CEP104: variants seen among roughly 807,000 people sequenced by gnomAD.
CEP104 encodes centrosomal protein of 104 kDa.
A neutral mutation model predicts 113.3 loss-of-function variants in CEP104; 84 were observed. That is an observed-to-expected ratio of 0.74 (90% CI 0.62 to 0.89). CEP104 has a LOEUF of 0.89. Ranked by LOEUF, CEP104 falls within the 40% of genes least tolerant of loss-of-function variation. The probability of loss-of-function intolerance (pLI) is 0.00; values close to 1 mark genes in which losing one functional copy is unlikely to be tolerated. For missense variants in CEP104, 1,053 were observed against 1,156.6 expected (o/e 0.91, Z 1.30); for synonymous variants, 378 against 421.7 (o/e 0.90, Z 1.27).
In CEP104 at chr1:3,834,008, T is replaced by G; in HGVS notation, c.1513A>C (p.Lys505Gln). The part of the protein sequence containing the change: ...SVFQASLKLL[K>Q]MIITQYIPKH... ...GGAATATATTGTGTAATGATCATTT[T>G]CAACAATTTCAAAGAAGCCTGAAAA... The change falls in exon 12 of 22, where the codon AAA (lysine) becomes CAA (glutamine). Residue 505 changes from lysine (K) to glutamine (Q), a missense_variant. By Grantham distance (53) the Lys-to-Gln change is moderately conservative. Coordinates refer to ENST00000378230, the MANE Select transcript of CEP104 (RefSeq NM_014704.4). The G allele has an allele frequency of 6.2e-7, 1 of 1,613,802 alleles. No individual in the cohort carries two copies. The highest frequency in any genetic ancestry group is 8.5e-7 in the Non-Finnish European group (1 of 1,179,666).
intron 13 of CEP104, 51 bp from the exon 14 acceptor site, chr1:3,830,048 CTTCCAGCT>C (rs1570793025): frequency 3.0e-6 from 4 of 1,331,382 alleles, no homozygotes; most frequent in Admixed American, 1.8e-5. Context: ...AAACTAATTT[CTTCCAGCT>C]TACAAAAAAG....
At chr1:3,856,237 C>A (rs566886291) in intron 1 of CEP104, among the ~76,000 whole-genome samples, 1 of 152,212 alleles carries the variant, frequency 6.6e-6, no homozygotes, top group East Asian at 1.9e-4. Flanking sequence ...GGTGAAACCC[C>A]GTCTCTACTA....
At chr1:3,838,299 T>A (rs1312044800) in intron 8 of CEP104, among the ~76,000 whole-genome samples, 2 of 152,184 alleles carry the variant, frequency 1.3e-5, no homozygotes, top group African/African-American at 4.8e-5. Flanking sequence ...ACTACAGGTG[T>A]GTGCCACCAG....
rs189007789 is a variant in CEP104 at position 3,848,856 on chromosome 1, G to C, written c.114-75C>G. The C allele has an allele frequency of 1.4e-4, 183 of 1,282,806 alleles. 2 individuals carry two copies. In the African/African-American group the frequency reaches 2.3e-3, roughly 16 times the overall value. The allele number at this position is 1,282,806 out of a possible 1,614,324, so 79.5% of individuals were successfully genotyped here. The stretch of plus-strand genomic sequence containing the variant: ...TTCTAGATGCTAGCATCTCATTCTT[G>C]CAGGTAAGAAGCATTAACCACACAC... On this transcript the variant is annotated intron_variant, in intron 2 of 21. Coordinates refer to ENST00000378230, the MANE Select transcript of CEP104 (RefSeq NM_014704.4).
chr1:3,816,490 G>C, intron 20 of CEP104, 120 bp from the exon 21 acceptor site: 1 of 700,304 alleles, frequency 1.4e-6, no homozygotes, highest in Non-Finnish European at 2.3e-6. Flanking sequence ...AGCAAGAGCC[G>C]CAGAAGAACG....
chr1:3,826,390 C>G lies in CEP104; in HGVS notation c.2235G>C (p.Pro745=). 1 of 1,614,020 alleles carries G rather than the reference C, an allele frequency of 6.2e-7. No individual in the cohort carries two copies. Among genetic ancestry groups the G allele is most frequent in the Non-Finnish European group, 8.5e-7 (1 of 1,179,932 alleles). ...CTTACTTATCTAGATAGTGCTCATC[C>G]GGGATTCCCAGAGCTTCAGCAGGGG... ...KAAPAEALGI[P]DEHYLDNLCI... Residue 745 remains proline (P), a synonymous_variant, in exon 17 of 22, where the codon CCG becomes CCC. Coordinates refer to ENST00000378230, the MANE Select transcript of CEP104 (RefSeq NM_014704.4).
intron 8 of CEP104, 45 bp from the exon 9 acceptor site, chr1:3,837,564 G>A (rs769065252): frequency 1.8e-5 from 26 of 1,468,852 alleles, no homozygotes; most frequent in African/African-American, 8.3e-5. Flanking sequence ...CCACTGCCAC[G>A]CCAGATATAT....
At chr1:3,847,065 A>G (rs554532632) in intron 4 of CEP104, among the ~76,000 whole-genome samples, 1 of 152,376 alleles carries the variant, frequency 6.6e-6, no homozygotes, top group South Asian at 2.1e-4. Flanking sequence ...TGTGAGCCAC[A>G]TATGTCATTA....
At position 3,829,988 on chromosome 1, in the gene CEP104, T is replaced by G. The variant is rs770600582; in HGVS notation, c.1846A>C (p.Ser616Arg). The change falls in exon 14 of 22, where the codon AGT becomes CGT. Residue 616 changes from serine (S) to arginine (R), a missense_variant. By Grantham distance (110) the Ser-to-Arg change is moderately radical (BLOSUM62 -1). Coordinates refer to ENST00000378230, the MANE Select transcript of CEP104 (RefSeq NM_014704.4). The part of the protein sequence containing the change: ...TIDNVMKFSV[S>R]ALEHRVYEVR... ...TCATACACTCTATGCTCCAGGGCAC[T>G]CACTGAAAACTAAAGTTGGGAGGGG... 1.6e-5 allele frequency: 26 copies of G among 1,613,544 alleles called. No individual in the cohort carries two copies. In the South Asian group the frequency reaches 2.7e-4, roughly 17 times the overall value.
At chr1:3,844,872 A>T (rs765686153) in intron 6 of CEP104, 35 bp downstream of exon 6, 1 of 1,559,022 alleles carries the variant, frequency 6.4e-7, no homozygotes, top group South Asian at 1.1e-5. Context: ...TGAGGAAAGT[A>T]AAAGAAGTTC....
At chr1:3,826,849 G>T in intron 15 of CEP104, 105 bp from the exon 16 acceptor site, 1 of 1,239,710 alleles carries the variant, frequency 8.1e-7, no homozygotes, top group Non-Finnish European at 1.1e-6. Context: ...TCTGGGTTTT[G>T]TTTTAGAATT....
chr1:3,855,227 G>A (rs1644692297), intron 1 of CEP104, among the ~76,000 whole-genome samples: 1 of 139,712 alleles, frequency 7.2e-6, no homozygotes, highest in African/African-American at 2.7e-5. Flanking sequence ...TGCCCAGGCT[G>A]TACTGCTGCA....
chr1:3,842,150 C>T (rs1016265037), intron 6 of CEP104, among the ~76,000 whole-genome samples: 1 of 152,186 alleles, frequency 6.6e-6, no homozygotes, highest in African/African-American at 2.4e-5. Context: ...TGCAGTGGTG[C>T]GATTTTGGCT....
At chr1:3,821,909 C>G (rs1201597557) in intron 20 of CEP104, among the ~76,000 whole-genome samples, 1 of 152,224 alleles carries the variant, frequency 6.6e-6, no homozygotes, top group Non-Finnish European at 1.5e-5. Flanking sequence ...TTCTATGGAT[C>G]CCGGTAATCA....
rs145970148 is a variant in CEP104, at chr1:3,830,071, A to G, written c.1837-74T>C. On this transcript the variant is annotated intron_variant, in intron 13 of 21. Transcript: ENST00000378230. ...TTCTTCCAGCTTACAAAAAAGGTAC[A>G]TTATAAACATGTGAAAAATAAAAGA... 2,936 of 1,057,008 alleles carry G rather than the reference A, an allele frequency of 2.8e-3. 46 individuals are homozygous for G. In the African/African-American group the frequency reaches 0.04, roughly 14 times the overall value. The allele number at this position is 1,057,008 out of a possible 1,614,324, so 65.5% of individuals were successfully genotyped here. A position where few individuals can be genotyped will look rare whatever the true frequency, so the allele number is the denominator to read the frequency against.
At chr1:3,836,473 T>TG (rs1557677818) in intron 10 of CEP104, 22 bp downstream of exon 10, 1 of 1,381,758 alleles carries the variant, frequency 7.2e-7, no homozygotes, top group East Asian at 2.6e-5. Context: ...ACCCCGTTTT[T>TG]TTTTTTTTTT....
rs1643809937 is a variant in CEP104 at position 3,812,313 on chromosome 1, T to C, written c.*3089A>G. On this transcript the variant is annotated 3_prime_UTR_variant, in exon 22 of 22. Coordinates refer to ENST00000378230, the MANE Select transcript of CEP104 (RefSeq NM_014704.4). Reference sequence around the variant, plus strand: ...TACAATTCTTTTAAGTTAGATTTAATGGAATATCTTAACATATGAAAATAA... The same window carrying C: ...TACAATTCTTTTAAGTTAGATTTAACGGAATATCTTAACATATGAAAATAA... The C allele has an allele frequency of 6.6e-6, 1 of 152,206 alleles. No homozygotes were observed. Among genetic ancestry groups the C allele is most frequent in the Non-Finnish European group, 1.5e-5 (1 of 68,038 alleles). The allele number at this position is 152,206 out of a possible 1,614,324, so 9.4% of individuals were successfully genotyped here. A position where few individuals can be genotyped will look rare whatever the true frequency, so the allele number is the denominator to read the frequency against.
intron 6 of CEP104, among the ~76,000 whole-genome samples, chr1:3,844,637 A>G (rs952615992): frequency 7.4e-6 from 1 of 135,450 alleles, no homozygotes; most frequent in Non-Finnish European, 1.5e-5. Context: ...GGTAGAAGTT[A>G]TAGTGAGCCG....
chr1:3,840,485 G>C (rs951658640), intron 6 of CEP104, among the ~76,000 whole-genome samples: 2 of 152,122 alleles, frequency 1.3e-5, no homozygotes, highest in African/African-American at 4.8e-5. Context: ...TGATCCACCA[G>C]TCTCAGCCTC....
Sources: gnomAD v4.1 joint callset for allele counts (sites outside exome capture counted in the v4.1 genomes callset) on GRCh38, gnomAD v4.1.1 for gene constraint, MANE v1.5 for transcripts, NCBI Gene and HGNC (gene_info 2026-07-23, HGNC 2026-07-21) for gene names.